The following ZNF385B variants were observed in gnomAD, a reference collection of about 807,000 sequenced individuals.
ZNF385B encodes zinc finger protein 533.
A neutral mutation model predicts 39.2 loss-of-function variants in ZNF385B; 23 were observed. The observed-to-expected ratio is 0.59, with a 90% CI of 0.42 to 0.83. The LOEUF is 0.83. ZNF385B is among the 40% of genes least tolerant of loss of function. The pLI, the probability that ZNF385B is intolerant of heterozygous loss-of-function variation, is 0.00. For synonymous variants in ZNF385B, 205 were observed against 222.6 expected (o/e 0.92, Z 0.70); for missense variants, 552 against 598.9 (o/e 0.92, Z 0.82).
chr2:179,544,994 A>G, intron 3 of ZNF385B, 25 bp from the exon 4 acceptor site: 1 of 1,613,474 alleles, frequency 6.2e-7, no homozygotes, highest in Non-Finnish European at 8.5e-7. Flanking sequence ...ACAAAAATGA[A>G]TTCAATTTCT....
intron 3 of ZNF385B, among the ~76,000 whole-genome samples, chr2:179,743,876 G>T (rs888193812): frequency 6.6e-6 from 1 of 152,046 alleles, no homozygotes; most frequent in Non-Finnish European, 1.5e-5. Flanking sequence ...AATTTCCAAT[G>T]TATCTACAGG....
At chr2:179,771,870 A>G (rs1283942002) in intron 1 of ZNF385B, among the ~76,000 whole-genome samples, 1 of 152,214 alleles carries the variant, frequency 6.6e-6, no homozygotes, top group African/African-American at 2.4e-5. Flanking sequence ...AAGAAAAGCC[A>G]ATAACGTTTA....
rs561152133 is a variant in ZNF385B, at chr2:179,567,886, C to T, written c.299-22917G>A. 3.9e-4 allele frequency among the ~76,000 whole-genome samples: 60 copies of T among 152,302 alleles called. 1 individual carries two copies. Among genetic ancestry groups the T allele is most frequent in the African/African-American group, 1.4e-3 (59 of 41,564 alleles). ...GAGACACCAACATTTGTCTGGACTA[C>T]AGCTAATGGCTCTTAAGGGATCTTT... On this transcript the variant is annotated intron_variant, in intron 3 of 9. Coordinates refer to ENST00000410066, the MANE Select transcript of ZNF385B (RefSeq NM_152520.6).
At chr2:179,668,950 A>T (rs906197422) in intron 3 of ZNF385B, among the ~76,000 whole-genome samples, 2 of 152,230 alleles carry the variant, frequency 1.3e-5, no homozygotes, top group African/African-American at 4.8e-5. Context: ...AGAAAACAAA[A>T]GGAAAGCTTA....
intron 5 of ZNF385B, among the ~76,000 whole-genome samples, chr2:179,497,946 C>A (rs1328584702): frequency 1.3e-5 from 2 of 151,848 alleles, no homozygotes; most frequent in Admixed American, 1.3e-4. Flanking sequence ...AGATCTCAAG[C>A]CAAAAACTAT....
At chr2:179,513,877 A>G (rs1470877983) in intron 5 of ZNF385B, among the ~76,000 whole-genome samples, 1 of 152,214 alleles carries the variant, frequency 6.6e-6, no homozygotes, top group Non-Finnish European at 1.5e-5. Flanking sequence ...GTGGATTTAG[A>G]GGCAAGAGAT....
At chr2:179,749,448 C>T (rs1198153380) in intron 3 of ZNF385B, among the ~76,000 whole-genome samples, 1 of 151,992 alleles carries the variant, frequency 6.6e-6, no homozygotes, top group African/African-American at 2.4e-5. Flanking sequence ...CGAGAAAAAC[C>T]ATTAGGTGCC....
At chr2:179,755,445 G>C (rs535404912) in intron 3 of ZNF385B, among the ~76,000 whole-genome samples, 2 of 152,140 alleles carry the variant, frequency 1.3e-5, no homozygotes, top group African/African-American at 4.8e-5. Context: ...ATGTCTATTA[G>C]GTCTGCTTGG....
At chr2:179,818,493 C>T (rs1707206451) in intron 1 of ZNF385B, among the ~76,000 whole-genome samples, 1 of 152,178 alleles carries the variant, frequency 6.6e-6, no homozygotes, top group African/African-American at 2.4e-5. Context: ...CTCAATTAAA[C>T]ATCATTTTAT....
intron 1 of ZNF385B, among the ~76,000 whole-genome samples, chr2:179,809,296 G>A (rs77359499): frequency 0.048 from 7,335 of 152,168 alleles, 379 homozygotes; most frequent in Admixed American, 0.16. Context: ...AAGAGAACTC[G>A]TAAAGAGTTT....
chr2:179,483,657 C>A (rs772565675), intron 5 of ZNF385B, among the ~76,000 whole-genome samples: 4 of 152,168 alleles, frequency 2.6e-5, no homozygotes, highest in Admixed American at 6.6e-5. Context: ...CTTTAAAAAA[C>A]CAGACATTAT....
chr2:179,535,980 G>A (rs905977152), intron 4 of ZNF385B, among the ~76,000 whole-genome samples: 3 of 152,186 alleles, frequency 2.0e-5, no homozygotes, highest in African/African-American at 4.8e-5. Context: ...GGGTTCGCAA[G>A]CTTTTGATAA....
chr2:179,532,210 G>C (rs2059294042), intron 4 of ZNF385B, among the ~76,000 whole-genome samples: 1 of 152,074 alleles, frequency 6.6e-6, no homozygotes, highest in East Asian at 1.9e-4. Flanking sequence ...GAATTTGTAA[G>C]GAAATGTAGT....
intron 1 of ZNF385B, among the ~76,000 whole-genome samples, chr2:179,799,990 T>C (rs1391645173): frequency 1.3e-5 from 2 of 152,092 alleles, no homozygotes; most frequent in Non-Finnish European, 2.9e-5. Context: ...CTTCAGAATT[T>C]TGATCTGACA....
chr2:179,454,956 T>C (rs1364308186), intron 6 of ZNF385B, among the ~76,000 whole-genome samples: 1 of 152,168 alleles, frequency 6.6e-6, no homozygotes, highest in African/African-American at 2.4e-5. Context: ...AAAATAAATT[T>C]AGTGTAGCCT....
intron 3 of ZNF385B, among the ~76,000 whole-genome samples, chr2:179,634,678 T>C (rs1313063333): frequency 1.3e-5 from 2 of 152,110 alleles, no homozygotes; most frequent in African/African-American, 2.4e-5. Flanking sequence ...AGAAATACCA[T>C]TTGACCCAGC....
At chr2:179,860,696 TGAGA>T in intron 1 of ZNF385B, 1 of 356,554 alleles carries the variant, frequency 2.8e-6, no homozygotes, top group Non-Finnish European at 6.0e-6. Context: ...TCCCGGTCAT[TGAGA>T]GAAAGACAAA....
chr2:179,676,470 C>T (rs1378758831), intron 3 of ZNF385B, among the ~76,000 whole-genome samples: 6 of 151,496 alleles, frequency 4.0e-5, no homozygotes, highest in Non-Finnish European at 7.4e-5. Context: ...GTAATCTGCC[C>T]ACCTTGGCCT....
intron 1 of ZNF385B, among the ~76,000 whole-genome samples, chr2:179,785,453 G>A (rs1294620262): frequency 6.6e-6 from 1 of 152,090 alleles, no homozygotes; most frequent in Non-Finnish European, 1.5e-5. Context: ...TGAGTCCTCT[G>A]GTGAATCCAA....
Sources: allele counts gnomAD v4.1 joint callset (sites outside exome capture counted in the v4.1 genomes callset), GRCh38; gene constraint gnomAD v4.1.1; transcripts MANE v1.5; gene names NCBI Gene and HGNC (gene_info 2026-07-23, HGNC 2026-07-21).